Variants in CDK5RAP2 observed in about 807,000 individuals in gnomAD.
CDK5RAP2 encodes CDK5 regulatory subunit-associated protein 2.
A neutral mutation model predicts 232.9 loss-of-function variants in CDK5RAP2; 147 were observed. The observed-to-expected ratio is 0.63, with a 90% CI of 0.55 to 0.72. CDK5RAP2 has a LOEUF of 0.72. Among genes scored for constraint, CDK5RAP2 ranks in the 30% least tolerant of loss-of-function variants. The probability of loss-of-function intolerance (pLI) is 0.00; values close to 1 mark genes in which losing one functional copy is unlikely to be tolerated. For missense variants in CDK5RAP2, 2,195 were observed against 2,231.5 expected (o/e 0.98, Z 0.33); for synonymous variants, 833 against 833.7 (o/e 1.00, Z 0.01).
intron 25 of CDK5RAP2, among the ~76,000 whole-genome samples, chr9:120,435,054 A>T (rs570029967): frequency 3.9e-5 from 6 of 152,160 alleles, no homozygotes; most frequent in Admixed American, 1.3e-4. Flanking sequence ...AGGGTAGAAA[A>T]CTCTAAAATT....
intron 1 of CDK5RAP2, among the ~76,000 whole-genome samples, chr9:120,579,064 G>T (rs2043145543): frequency 1.3e-5 from 2 of 152,164 alleles, no homozygotes; most frequent in Non-Finnish European, 2.9e-5. Context: ...GCCAGCCGTG[G>T]AGCAGAGTTG....
chr9:120,494,058 C>T (rs2131651080), intron 12 of CDK5RAP2, among the ~76,000 whole-genome samples: 1 of 148,666 alleles, frequency 6.7e-6, no homozygotes, highest in South Asian at 2.1e-4. Flanking sequence ...CACCACTGCA[C>T]TCCAGCCTGG....
At chr9:120,407,977 T>C (rs916718859) in intron 31 of CDK5RAP2, 85 of 317,166 alleles carry the variant, frequency 2.7e-4, no homozygotes, top group African/African-American at 1.8e-3. Flanking sequence ...CTTGCTAGGA[T>C]GCTTTTAATA....
intron 3 of CDK5RAP2, among the ~76,000 whole-genome samples, chr9:120,555,527 G>A (rs1187502462): frequency 2.6e-5 from 4 of 152,170 alleles, no homozygotes; most frequent in Admixed American, 6.5e-5. Context: ...GTGAGCCACC[G>A]TGCCTGGTAA....
chr9:120,518,244 C>T (rs968873608), intron 12 of CDK5RAP2, among the ~76,000 whole-genome samples, 183 bp downstream of exon 12: 48 of 88,646 alleles, frequency 5.4e-4, no homozygotes, highest in African/African-American at 1.4e-3. Flanking sequence ...AGAGAGAGAG[C>T]GAGGAGAATA....
intron 25 of CDK5RAP2, among the ~76,000 whole-genome samples, chr9:120,434,757 T>A (rs80234815): frequency 1.5e-3 from 232 of 152,188 alleles, no homozygotes; most frequent in Non-Finnish European, 2.5e-3. Context: ...GATCAACACG[T>A]CAAATACTGC....
At chr9:120,564,252 G>A (rs1359031870) in intron 3 of CDK5RAP2, among the ~76,000 whole-genome samples, 1 of 152,144 alleles carries the variant, frequency 6.6e-6, no homozygotes, top group Admixed American at 6.6e-5. Flanking sequence ...CGGATCACAA[G>A]GTCAGGAGAT....
intron 15 of CDK5RAP2, among the ~76,000 whole-genome samples, chr9:120,472,783 C>T (rs2037789070): frequency 6.6e-6 from 1 of 152,172 alleles, no homozygotes; most frequent in East Asian, 1.9e-4. Context: ...CTTGGGGAAA[C>T]CTGTCCAATA....
At chr9:120,393,515 G>A (rs1377409466) in intron 36 of CDK5RAP2, among the ~76,000 whole-genome samples, 1 of 152,248 alleles carries the variant, frequency 6.6e-6, no homozygotes, top group Non-Finnish European at 1.5e-5. Context: ...GCCGCACAAG[G>A]CAGGCTGGCA....
At chr9:120,553,467 C>A (rs2042118016) in intron 3 of CDK5RAP2, among the ~76,000 whole-genome samples, 1 of 152,178 alleles carries the variant, frequency 6.6e-6, no homozygotes, top group Non-Finnish European at 1.5e-5. Context: ...ATTTTTAAGT[C>A]TCTGCCTTTG....
intron 25 of CDK5RAP2, among the ~76,000 whole-genome samples, chr9:120,431,157 A>G (rs1421972950): frequency 6.6e-6 from 1 of 152,180 alleles, no homozygotes; most frequent in Non-Finnish European, 1.5e-5. Flanking sequence ...GATACACCTA[A>G]TGCTAAATGA....
intron 12 of CDK5RAP2, among the ~76,000 whole-genome samples, chr9:120,509,573 C>G (rs530499957): frequency 6.6e-6 from 1 of 152,158 alleles, no homozygotes; most frequent in Admixed American, 6.5e-5. Context: ...GATTGCAACC[C>G]AAGTTGAGAA....
At position 120,568,972 on chromosome 9, in the gene CDK5RAP2, CTA is replaced by C. The variant is rs1052559045; in HGVS notation, c.128-586_128-585del. On this transcript the variant is annotated intron_variant, in intron 2 of 37. Coordinates refer to ENST00000349780, the MANE Select transcript of CDK5RAP2 (RefSeq NM_018249.6). ...GGAAACTGCTGACCTGTTTTAAAGACTATGGCAATACCCAAATCTCTCCGCAG... is the reference window on the plus strand; with the variant it reads ...GGAAACTGCTGACCTGTTTTAAAGACTGGCAATACCCAAATCTCTCCGCAG... Among the ~76,000 whole-genome samples the C allele has an allele frequency of 4.6e-5, 7 of 152,316 alleles. 1 individual carries two copies. Among genetic ancestry groups the C allele is most frequent in the African/African-American group, 1.7e-4 (7 of 41,586 alleles).
intron 11 of CDK5RAP2, among the ~76,000 whole-genome samples, chr9:120,520,982 TC>T (rs2040624807): frequency 6.6e-6 from 1 of 152,054 alleles, no homozygotes; most frequent in Non-Finnish European, 1.5e-5. Flanking sequence ...ATGAGATATA[TC>T]ATGAGATGTA....
intron 25 of CDK5RAP2, among the ~76,000 whole-genome samples, chr9:120,434,260 T>C (rs1156297024): frequency 6.6e-6 from 1 of 151,706 alleles, no homozygotes; most frequent in Non-Finnish European, 1.5e-5. Flanking sequence ...GAAGAGAAAG[T>C]GCAAAGCCCC....
chr9:120,494,156 T>TCA (rs144979336), intron 12 of CDK5RAP2, among the ~76,000 whole-genome samples: 3,171 of 149,154 alleles, frequency 0.021, 51 homozygotes, highest in East Asian at 0.042. Context: ...GAATTCATGA[T>TCA]CACACACACA....
At position 120,407,711 on chromosome 9, in the gene CDK5RAP2, T is replaced by TAA. The variant is rs57709885; in HGVS notation, c.4727-465_4727-464dup. The stretch of plus-strand genomic sequence containing the variant: ...GAAACCATCTGGAAAATTAGTAAAA[T>TAA]AAAAAAAAAAAAAAAACACCTCACC... On this transcript the variant is annotated intron_variant, in intron 31 of 37. Transcript: ENST00000349780. 1,096 of 142,280 alleles carry TAA rather than the reference T, an allele frequency of 7.7e-3. 5 individuals carry two copies. The highest frequency in any genetic ancestry group is 0.012 in the African/African-American group (444 of 37,576). 8.8% of individuals were successfully genotyped at this position (142,280 alleles called of 1,614,324 possible).
intron 3 of CDK5RAP2, among the ~76,000 whole-genome samples, chr9:120,567,173 G>A (rs560257203): frequency 1.3e-5 from 2 of 152,280 alleles, no homozygotes; most frequent in African/African-American, 2.4e-5. Flanking sequence ...AATCTCATTC[G>A]TTTGAGGCCC....
At chr9:120,529,003 C>T (rs1262013860) in intron 8 of CDK5RAP2, 1 of 606,680 alleles carries the variant, frequency 1.6e-6, no homozygotes, top group East Asian at 2.8e-5. Context: ...AACAACCTAC[C>T]CTGGTTGATC....
Sources: gnomAD v4.1 joint callset for allele counts (sites outside exome capture counted in the v4.1 genomes callset) on GRCh38, gnomAD v4.1.1 for gene constraint, MANE v1.5 for transcripts, NCBI Gene and HGNC (gene_info 2026-07-23, HGNC 2026-07-21) for gene names.